The following NAALADL2 variants were observed in gnomAD, a reference collection of about 807,000 sequenced individuals.
NAALADL2 encodes the protein inactive N-acetylated-alpha-linked acidic dipeptidase-like protein 2.
NAALADL2 carries 76 observed loss-of-function variants against 87.2 expected under a neutral mutation model. The observed-to-expected ratio is 0.87, with a 90% CI of 0.72 to 1.05. The LOEUF (loss-of-function observed/expected upper bound fraction) is 1.05, where lower values mean the gene tolerates loss of function less well. Among genes scored for constraint, NAALADL2 ranks in the 50% least tolerant of loss-of-function variants. The pLI is 0.00. For synonymous variants in NAALADL2, 354 were observed against 331.0 expected (o/e 1.07, Z -0.75); for missense variants, 1,089 against 945.8 (o/e 1.15, Z -1.99).
rs900559695 is a variant in NAALADL2, at chr3:175,412,882, T to TTTAA, written c.1091-34344_1091-34341dup. Among the ~76,000 whole-genome samples the TTTAA allele has an allele frequency of 8.4e-5, 9 of 106,706 alleles. No individual in the cohort carries two copies. In the South Asian group the frequency reaches 9.3e-4, roughly 11 times the overall value. The allele number at this position is 106,706 out of a possible 152,430, so 70.0% of individuals were successfully genotyped here. The stretch of plus-strand genomic sequence containing the variant: ...GTATACTAAGGAATCAGATTATTTA[T>TTTAA]TTAATTTATTTATTATTATTATTAT... On this transcript the variant is annotated intron_variant, in intron 5 of 13. Coordinates refer to ENST00000454872, the MANE Select transcript of NAALADL2 (RefSeq NM_207015.3).
chr3:174,779,257 G>C (rs1018128637), intron 3 of NAALADL2, among the ~76,000 whole-genome samples: 6 of 151,852 alleles, frequency 4.0e-5, no homozygotes, highest in Non-Finnish European at 7.4e-5. Context: ...TCATATGTTT[G>C]TTGGCTGCAT....
At chr3:175,142,783 C>T in intron 2 of NAALADL2, among the ~76,000 whole-genome samples, 1 of 151,802 alleles carries the variant, frequency 6.6e-6, no homozygotes, top group East Asian at 1.9e-4. Context: ...ATATTTGATT[C>T]TTACATGATT....
At chr3:175,606,369 A>C (rs990525177) in intron 10 of NAALADL2, among the ~76,000 whole-genome samples, 2 of 142,666 alleles carry the variant, frequency 1.4e-5, no homozygotes, top group East Asian at 2.2e-4. Flanking sequence ...TAGTCTAAGT[A>C]AAGTCAGAGA....
At chr3:175,337,997 T>A (rs1419873379) in intron 5 of NAALADL2, among the ~76,000 whole-genome samples, 2 of 152,180 alleles carry the variant, frequency 1.3e-5, no homozygotes, top group Non-Finnish European at 2.9e-5. Flanking sequence ...AATTCAGTTC[T>A]GTTCTTCTCC....
intron 9 of NAALADL2, among the ~76,000 whole-genome samples, chr3:175,480,399 G>C (rs980552971): frequency 1.3e-5 from 2 of 151,804 alleles, no homozygotes; most frequent in African/African-American, 4.8e-5. Flanking sequence ...TAACTCATTT[G>C]TCTTCTGTAA....
At chr3:175,284,534 CTTAG>C (rs1437210076) in intron 4 of NAALADL2, among the ~76,000 whole-genome samples, 1 of 151,770 alleles carries the variant, frequency 6.6e-6, no homozygotes, top group Non-Finnish European at 1.5e-5. Flanking sequence ...AAAATGAGCT[CTTAG>C]TTAGCTTATC....
Position 175,654,283 on chromosome 3 carries a change from T to A in NAALADL2, c.1896+26897T>A, listed in dbSNP as rs186617886. The stretch of plus-strand genomic sequence containing the variant: ...GACACATTTGTCTGCTTTAAAAAAC[T>A]GTTCAAGCAGGTAGCTTTTCTTCTC... On this transcript the variant is annotated intron_variant, in intron 11 of 13. Transcript: ENST00000454872. 1.4e-4 allele frequency among the ~76,000 whole-genome samples: 22 copies of A among 152,334 alleles called. No individual in the cohort carries two copies. In the East Asian group the frequency reaches 4.0e-3, roughly 28 times the overall value.
At chr3:175,583,705 T>G (rs1720129783) in intron 10 of NAALADL2, among the ~76,000 whole-genome samples, 1 of 152,210 alleles carries the variant, frequency 6.6e-6, no homozygotes, top group Non-Finnish European at 1.5e-5. Context: ...AAGCCTTGGC[T>G]TTACTTCAAA....
At chr3:174,995,532 A>T (rs1747322772) in intron 1 of NAALADL2, among the ~76,000 whole-genome samples, 1 of 152,152 alleles carries the variant, frequency 6.6e-6, no homozygotes, top group South Asian at 2.1e-4. Flanking sequence ...TGTGTTGATG[A>T]ATTGCAGGTT....
At chr3:175,091,527 A>G (rs1467130275) in intron 1 of NAALADL2, among the ~76,000 whole-genome samples, 2 of 152,050 alleles carry the variant, frequency 1.3e-5, no homozygotes, top group Admixed American at 6.6e-5. Context: ...GAAAGCCTTT[A>G]TATGTGTTCT....
At chr3:175,120,194 TTG>T (rs1365879029) in intron 2 of NAALADL2, among the ~76,000 whole-genome samples, 1 of 151,706 alleles carries the variant, frequency 6.6e-6, no homozygotes, top group Non-Finnish European at 1.5e-5. Context: ...CAGATAATAC[TTG>T]TGTTTCATCT....
intron 9 of NAALADL2, among the ~76,000 whole-genome samples, chr3:175,480,262 G>A (rs191660095): frequency 2.8e-4 from 43 of 151,300 alleles, no homozygotes; most frequent in Middle Eastern, 3.4e-3. Context: ...TGGAATACAA[G>A]AAACCATGAA....
intron 2 of NAALADL2, among the ~76,000 whole-genome samples, chr3:174,722,875 C>T (rs1731834559): frequency 6.6e-6 from 1 of 152,136 alleles, no homozygotes; most frequent in Non-Finnish European, 1.5e-5. Flanking sequence ...AATTCAGTAG[C>T]AGGATCCTGA....
intron 3 of NAALADL2, among the ~76,000 whole-genome samples, chr3:174,804,667 A>G (rs911846752): frequency 6.6e-6 from 1 of 151,972 alleles, no homozygotes; most frequent in African/African-American, 2.4e-5. Flanking sequence ...ATCTTATGAC[A>G]TGGACCCTAA....
chr3:174,862,423 T>G (rs1726614155), intron 1 of NAALADL2, among the ~76,000 whole-genome samples: 1 of 152,006 alleles, frequency 6.6e-6, no homozygotes, highest in Non-Finnish European at 1.5e-5. Flanking sequence ...GTATAAGGGC[T>G]TCTTACCTCT....
intron 1 of NAALADL2, among the ~76,000 whole-genome samples, chr3:174,493,160 C>G (rs547860380): frequency 1.5e-3 from 233 of 152,222 alleles, no homozygotes; most frequent in Middle Eastern, 3.4e-3. Context: ...ATTATGTTCT[C>G]TCCCAAAAAA....
At chr3:175,134,386 C>T (rs2092499142) in intron 2 of NAALADL2, among the ~76,000 whole-genome samples, 1 of 152,140 alleles carries the variant, frequency 6.6e-6, no homozygotes, top group Non-Finnish European at 1.5e-5. Flanking sequence ...TTGACATAAT[C>T]CATACATTTA....
At chr3:175,355,020 A>ATGTGTGTGTGTGTGTGTG (rs1325977007) in intron 5 of NAALADL2, among the ~76,000 whole-genome samples, 4 of 100,632 alleles carry the variant, frequency 4.0e-5, no homozygotes, top group African/African-American at 1.6e-4. Flanking sequence ...TGCTATATAT[A>ATGTGTGTGTGTGTGTGTG]TATGTGTGTG....
intron 1 of NAALADL2, among the ~76,000 whole-genome samples, chr3:174,898,137 AAAAAAAG>A (rs1216285834): frequency 2.2e-4 from 29 of 132,016 alleles, no homozygotes; most frequent in African/African-American, 7.4e-4. Context: ...AAAAAAAAAA[AAAAAAAG>A]AAAAAAAGAA....
Sources: allele counts gnomAD v4.1 joint callset (sites outside exome capture counted in the v4.1 genomes callset), GRCh38; gene constraint gnomAD v4.1.1; transcripts MANE v1.5; gene names NCBI Gene and HGNC (gene_info 2026-07-23, HGNC 2026-07-21).